Variants in TP53BP2 observed in about 807,000 individuals in gnomAD.
TP53BP2 encodes tumor protein p53 binding protein 2.
TP53BP2 carries 62 observed loss-of-function variants against 126.2 expected under a neutral mutation model. That is an observed-to-expected ratio of 0.49 (90% CI 0.40 to 0.61). The LOEUF (loss-of-function observed/expected upper bound fraction) is 0.61. Ranked by LOEUF, TP53BP2 falls within the 20% of genes least tolerant of loss-of-function variation. The pLI, the probability that TP53BP2 is intolerant of heterozygous loss-of-function variation, is 0.00. For synonymous variants in TP53BP2, 485 were observed against 502.9 expected (o/e 0.96, Z 0.48); for missense variants, 1,215 against 1,402.8 (o/e 0.87, Z 2.14).
intron 3 of TP53BP2, among the ~76,000 whole-genome samples, chr1:223,811,726 A>G (rs1662912895): frequency 6.6e-6 from 1 of 152,188 alleles, no homozygotes; most frequent in South Asian, 2.1e-4. Flanking sequence ...CAGTCTCCTA[A>G]TCCTTAATCG....
intron 1 of TP53BP2, among the ~76,000 whole-genome samples, chr1:223,827,110 G>C (rs1326722677): frequency 1.3e-5 from 2 of 152,174 alleles, no homozygotes; most frequent in Admixed American, 1.3e-4. Context: ...GAGACATGAA[G>C]AGGCCGTCTA....
In TP53BP2 at chr1:223,796,183, T is replaced by C. The variant is rs1358863199; in HGVS notation, c.2356A>G (p.Ser786Gly). 6.2e-7 allele frequency: 1 copy of C among 1,614,104 alleles called. No homozygotes were observed. Among genetic ancestry groups the C allele is most frequent in the Non-Finnish European group, 8.5e-7 (1 of 1,180,044 alleles). Residue 786 changes from serine (S) to glycine (G), a missense_variant, in exon 13 of 18, where the codon AGC becomes GGC. Ser to Gly is a moderately conservative substitution (Grantham distance 56). Coordinates refer to ENST00000343537, the MANE Select transcript of TP53BP2 (RefSeq NM_001031685.3). The surrounding 1 kb of genome is among the most constrained non-coding windows in gnomAD (Gnocchi z 4.2). The part of the protein sequence containing the change: ...YPSKSASVTA[S>G]SESPVEIQNP... The stretch of plus-strand genomic sequence containing the variant: ...TGGATTTCTACTGGGCTTTCTGAGC[T>C]GGCAGTCACAGAAGCTGACTTGGAT...
At chr1:223,802,954 A>T in intron 7 of TP53BP2, 59 bp from the exon 8 acceptor site, 1 of 1,570,672 alleles carries the variant, frequency 6.4e-7, no homozygotes, top group Non-Finnish European at 8.7e-7. Flanking sequence ...TGTCTCAAAC[A>T]GTTAATCACA....
At chr1:223,809,658 T>C (rs961831501) in intron 4 of TP53BP2, among the ~76,000 whole-genome samples, 1 of 151,796 alleles carries the variant, frequency 6.6e-6, no homozygotes, top group Non-Finnish European at 1.5e-5. Context: ...GAGAAAATGG[T>C]ACTTAAGATC....
At chr1:223,821,487 C>T in intron 1 of TP53BP2, 120 bp from the exon 2 acceptor site, 1 of 1,362,108 alleles carries the variant, frequency 7.3e-7, no homozygotes, top group Non-Finnish European at 1.0e-6. Flanking sequence ...ACAGAACAGT[C>T]TGGCTGTCAC....
At chr1:223,830,069 C>T (rs997592867) in intron 1 of TP53BP2, among the ~76,000 whole-genome samples, 1 of 152,148 alleles carries the variant, frequency 6.6e-6, no homozygotes, top group Admixed American at 6.5e-5. Context: ...AATATGAAGA[C>T]ATGCAGGGAA....
chr1:223,831,480 AATATATATATATATAT>A (rs10543436), intron 1 of TP53BP2, among the ~76,000 whole-genome samples: 1,234 of 32,460 alleles, frequency 0.038, 74 homozygotes, highest in African/African-American at 0.098. Flanking sequence ...AAAAAAAAAA[AATATATATATATATAT>A]ATATATATAT....
rs1398675882 is a variant in TP53BP2 at position 223,780,772 on chromosome 1, G to A, written c.*81C>T. On this transcript the variant is annotated 3_prime_UTR_variant, in exon 18 of 18. Coordinates refer to ENST00000343537, the MANE Select transcript of TP53BP2 (RefSeq NM_001031685.3). ...ACATTGTCATTAAAATAAGTCTTGT[G>A]AAATTTTTGCCAAAAATAATCGTAT... 4.9e-6 allele frequency: 7 copies of A among 1,429,578 alleles called. No individual in the cohort carries two copies. The East Asian group carries it at 1.1e-4, about 23-fold the overall frequency. The allele number at this position is 1,429,578 out of a possible 1,614,324, so 88.6% of individuals were successfully genotyped here.
At chr1:223,810,007 G>T (rs1373582733) in intron 4 of TP53BP2, among the ~76,000 whole-genome samples, 5 of 152,098 alleles carry the variant, frequency 3.3e-5, no homozygotes, top group Admixed American at 1.3e-4. Flanking sequence ...TGTATTTTTA[G>T]TGGAGATGGG....
At position 223,784,324 on chromosome 1, in the gene TP53BP2, T is replaced by C; in HGVS notation, c.3164-10A>G. 6.2e-7 allele frequency: 1 copy of C among 1,613,682 alleles called. No individual in the cohort carries two copies. Among genetic ancestry groups the C allele is most frequent in the South Asian group, 1.1e-5 (1 of 91,066 alleles). ...ATCTTCTCCTGAACTCCTAAAATCA[T>C]GACAGTAAGATAAAGCACAGAATAT... On this transcript the variant is annotated splice_polypyrimidine_tract_variant and intron_variant, in intron 16 of 17. Coordinates refer to ENST00000343537, the MANE Select transcript of TP53BP2 (RefSeq NM_001031685.3).
chr1:223,800,949 T>C (rs1662508666), intron 9 of TP53BP2, 139 bp from the exon 10 acceptor site: 1 of 583,886 alleles, frequency 1.7e-6, no homozygotes, highest in Non-Finnish European at 3.0e-6. Context: ...ACTTAGAAAA[T>C]ACTGTATTAT....
At position 223,813,277 on chromosome 1, in the gene TP53BP2, G is replaced by A. The variant is rs140487535; in HGVS notation, c.289+963C>T. Among the ~76,000 whole-genome samples the A allele has an allele frequency of 3.1e-3, 471 of 152,138 alleles. 3 individuals are homozygous for A. Among genetic ancestry groups the A allele is most frequent in the African/African-American group, 9.8e-3 (407 of 41,490 alleles). The stretch of plus-strand genomic sequence containing the variant: ...CTAGCCTCTCAGTTCTAGCTTTCTC[G>A]TCTCCACTCTAATTCAGCCTCATTT... On this transcript the variant is annotated intron_variant, in intron 3 of 17. Coordinates refer to ENST00000343537, the MANE Select transcript of TP53BP2 (RefSeq NM_001031685.3).
chr1:223,827,816 T>C (rs1481955741), intron 1 of TP53BP2, among the ~76,000 whole-genome samples: 1 of 152,030 alleles, frequency 6.6e-6, no homozygotes, highest in Admixed American at 6.6e-5. Flanking sequence ...AGAAAAATAA[T>C]CAAAAGAGAG....
At chr1:223,811,805 T>C (rs1374736631) in intron 3 of TP53BP2, among the ~76,000 whole-genome samples, 1 of 152,230 alleles carries the variant, frequency 6.6e-6, no homozygotes, top group Non-Finnish European at 1.5e-5. Context: ...CCTTGTTTTA[T>C]CCCAATTTCA....
chr1:223,830,429 G>A (rs1035171902), intron 1 of TP53BP2, among the ~76,000 whole-genome samples: 9 of 151,914 alleles, frequency 5.9e-5, no homozygotes, highest in African/African-American at 2.2e-4. Flanking sequence ...AAGATACGAT[G>A]GTAGTACTAT....
chr1:223,785,817 G>T (rs1377409608), intron 16 of TP53BP2, among the ~76,000 whole-genome samples: 2 of 152,162 alleles, frequency 1.3e-5, no homozygotes, highest in Non-Finnish European at 2.9e-5. Flanking sequence ...GGTAACTTGG[G>T]AAATGCAAAC....
Position 223,796,471 on chromosome 1 carries a change from C to G in TP53BP2, c.2068G>C (p.Val690Leu). ...PEPETEPVSS[V>L]QENHENERIP... ...CTTTCGTTTTCATGGTTCTCCTGAA[C>G]TGAAGAAACAGGCTCTGTTTCAGGT... The change falls in exon 13 of 18, where the codon GTT (valine) becomes CTT (leucine). Residue 690 changes from valine (V) to leucine (L), a missense_variant. Val to Leu is a conservative substitution (Grantham distance 32). Transcript: ENST00000343537. This position sits in a 1 kb window ranked among gnomAD's most constrained non-coding sequence, Gnocchi z 4.2. 1.2e-6 allele frequency: 2 copies of G among 1,614,192 alleles called. No individual in the cohort carries two copies. The highest frequency in any genetic ancestry group is 1.6e-4 in the Middle Eastern group (1 of 6,062).
At chr1:223,839,556 T>C (rs970439361) in intron 1 of TP53BP2, among the ~76,000 whole-genome samples, 1 of 152,254 alleles carries the variant, frequency 6.6e-6, no homozygotes, top group Non-Finnish European at 1.5e-5. Flanking sequence ...CACTTTTCTA[T>C]GCTTGTGCCT....
At chr1:223,829,745 A>C (rs1404976506) in intron 1 of TP53BP2, among the ~76,000 whole-genome samples, 1 of 151,758 alleles carries the variant, frequency 6.6e-6, no homozygotes, top group Non-Finnish European at 1.5e-5. Flanking sequence ...AAAAAAAAAA[A>C]AAAACAGCTG....
Sources: allele counts gnomAD v4.1 joint callset (sites outside exome capture counted in the v4.1 genomes callset), GRCh38; gene constraint gnomAD v4.1.1; non-coding constraint Gnocchi (gnomAD v3.1); transcripts MANE v1.5; gene names NCBI Gene and HGNC (gene_info 2026-07-23, HGNC 2026-07-21).